NYAP1: variants seen among roughly 807,000 people sequenced by gnomAD.
NYAP1 encodes neuronal tyrosine phosphorylated phosphoinositide-3-kinase adaptor 1.
In NYAP1, 20 loss-of-function variants were observed where a neutral mutation model predicts 58.6. The observed-to-expected ratio is 0.34, with a 90% CI of 0.24 to 0.50. The LOEUF (loss-of-function observed/expected upper bound fraction) is 0.50, where lower values mean the gene tolerates loss of function less well. NYAP1 is among the 20% of genes least tolerant of loss of function. The pLI, the probability that NYAP1 is intolerant of heterozygous loss-of-function variation, is 0.98. For missense variants in NYAP1, 1,150 were observed against 1,194.5 expected (o/e 0.96, Z 0.55); for synonymous variants, 572 against 523.1 (o/e 1.09, Z -1.27).
intron 6 of NYAP1, among the ~76,000 whole-genome samples, chr7:100,491,404 C>T (rs1799794210): frequency 6.6e-6 from 1 of 152,122 alleles, no homozygotes; most frequent in Non-Finnish European, 1.5e-5. Context: ...CGAGACCAGC[C>T]TGGACCACAT....
Position 100,488,763 on chromosome 7 carries a change from C to G in NYAP1, c.1042C>G (p.Arg348Gly), listed in dbSNP as rs767610039. The part of the protein sequence containing the change: ...LAFPQAKSAS[R>G]TPGDGVSRLP... ...CTTCCCCCAAGCCAAGTCTGCTTCCCGAACCCCTGGCGATGGGGTCTCAAG... is the reference window on the plus strand; with the variant it reads ...CTTCCCCCAAGCCAAGTCTGCTTCCGGAACCCCTGGCGATGGGGTCTCAAG... The change falls in exon 4 of 7, where the codon CGA (arginine) becomes GGA (glycine). Residue 348 changes from arginine to glycine, a missense_variant. By Grantham distance (125) the Arg-to-Gly change is moderately radical (BLOSUM62 -2). Coordinates refer to ENST00000300179, the MANE Select transcript of NYAP1 (RefSeq NM_173564.4). This position sits in a 1 kb window ranked among gnomAD's most constrained non-coding sequence, Gnocchi z 5.9. 1.9e-6 allele frequency: 3 copies of G among 1,598,706 alleles called. No individual in the cohort carries two copies. The South Asian group carries it at 3.4e-5, about 18-fold the overall frequency.
In NYAP1 at chr7:100,493,839, C is replaced by G; in HGVS notation, c.2462C>G (p.Pro821Arg). 6.4e-7 allele frequency: 1 copy of G among 1,566,086 alleles called. No homozygotes were observed. Among genetic ancestry groups the G allele is most frequent in the South Asian group, 1.2e-5 (1 of 86,476 alleles). Residue 821 changes from proline to arginine, a missense_variant, in exon 7 of 7, where the codon CCC becomes CGC. By Grantham distance (103) the Pro-to-Arg change is moderately radical. Coordinates refer to ENST00000300179, the MANE Select transcript of NYAP1 (RefSeq NM_173564.4). The part of the protein sequence containing the change: ...ILPSWRRGPE[P>R]RKSGTPPCRR... ...CCCAGCTGGCGGCGGGGACCCGAGC[C>G]CCGCAAGTCCGGCACCCCGCCCTGC...
At position 100,491,037 on chromosome 7, in the gene NYAP1, G is replaced by A. The variant is rs769791898; in HGVS notation, c.2210G>A (p.Arg737Gln). 25 of 1,559,540 alleles carry A rather than the reference G, an allele frequency of 1.6e-5. No homozygotes were observed. Among genetic ancestry groups the A allele is most frequent in the East Asian group, 4.8e-5 (2 of 41,594 alleles). Reference sequence around the variant, plus strand: ...CGCTCCGCCTCCACCTCCGGAGTCCGGCAGGTCGTGCTCCACACACCCCGG... The same window carrying A: ...CGCTCCGCCTCCACCTCCGGAGTCCAGCAGGTCGTGCTCCACACACCCCGG... ...LGRSASTSGV[R>Q]QVVLHTPRPC... The change falls in exon 6 of 7, where the codon CGG becomes CAG. Residue 737 changes from arginine (R) to glutamine (Q), a missense_variant. By Grantham distance (43) the Arg-to-Gln change is conservative. Coordinates refer to ENST00000300179, the MANE Select transcript of NYAP1 (RefSeq NM_173564.4).
rs769804984 is a variant in NYAP1, at chr7:100,488,286, G to A, written c.565G>A (p.Gly189Arg). 4 of 1,613,794 alleles carry A rather than the reference G, an allele frequency of 2.5e-6. No individual in the cohort carries two copies. The highest frequency in any genetic ancestry group is 2.2e-5 in the East Asian group (1 of 44,852). The change falls in exon 4 of 7, where the codon GGG (glycine) becomes AGG (arginine). Residue 189 changes from glycine (G) to arginine (R), a missense_variant. Gly to Arg is a moderately radical substitution (Grantham distance 125). Transcript: ENST00000300179. This position sits in a 1 kb window ranked among gnomAD's most constrained non-coding sequence, Gnocchi z 5.9. ...SCPPGPSPRGGNLPLQRLTRG... is the reference protein window; with the variant it reads ...SCPPGPSPRGRNLPLQRLTRG... ...CCCCCCAGGCCCCTCTCCTCGAGGG[G>A]GGAACCTGCCTCTTCAGCGCCTCAC...
rs2131071341 is a variant in NYAP1, at chr7:100,493,658, C to G, written c.2281C>G (p.Leu761Val). ...GCCCGCGGCACAGCCCCACCCCGCG[C>G]TGCCGCTGCCTCTGCCCCTGCCGCC... is the stretch of plus-strand genomic sequence containing the variant. Reference protein sequence around the residue: ...RDALSQPHPALPLPLPLPPQP... With the variant: ...RDALSQPHPAVPLPLPLPPQP... The change falls in exon 7 of 7, where the codon CTG (leucine) becomes GTG (valine). Residue 761 changes from leucine (L) to valine (V), a missense_variant. Coordinates refer to ENST00000300179, the MANE Select transcript of NYAP1 (RefSeq NM_173564.4). 1 of 1,581,168 alleles carries G rather than the reference C, an allele frequency of 6.3e-7. No homozygotes were observed. The highest frequency in any genetic ancestry group is 1.1e-5 in the South Asian group (1 of 88,362).
At position 100,488,336 on chromosome 7, in the gene NYAP1, C is replaced by T; in HGVS notation, c.615C>T (p.Asp205=). 6.2e-7 allele frequency: 1 copy of T among 1,607,686 alleles called. No homozygotes were observed. Among genetic ancestry groups the T allele is most frequent in the Admixed American group, 1.7e-5 (1 of 58,104 alleles). The change falls in exon 4 of 7, where the codon GAC becomes GAT. Residue 205 remains aspartate, a synonymous_variant. Coordinates refer to ENST00000300179, the MANE Select transcript of NYAP1 (RefSeq NM_173564.4). This position sits in a 1 kb window ranked among gnomAD's most constrained non-coding sequence, Gnocchi z 5.9. ...CTAGGGGGTCCCGAGTAGCTGGGGA[C>T]CCTGATGTGGGTGCCCAGGAAGAGC... ...RLTRGSRVAG[D]PDVGAQEEPV...
rs765389680 is a variant in NYAP1, at chr7:100,493,634, C to T, written c.2269-12C>T. 3.2e-6 allele frequency: 5 copies of T among 1,561,220 alleles called. No individual in the cohort carries two copies. Among genetic ancestry groups the T allele is most frequent in the Non-Finnish European group, 4.3e-6 (5 of 1,161,852 alleles). ...TACCCGCGTTTTCCTTTCTCCCCCG[C>T]CCGCGGCACAGCCCCACCCCGCGCT... On this transcript the variant is annotated splice_polypyrimidine_tract_variant and intron_variant, in intron 6 of 6. Coordinates refer to ENST00000300179, the MANE Select transcript of NYAP1 (RefSeq NM_173564.4).
chr7:100,489,557 A>G lies in NYAP1; in HGVS notation c.1836A>G (p.Ala612=), dbSNP rs377347510. Reference sequence around the variant, plus strand: ...CCTGTGCCCACGTCATCGCCAGCGCAGGGACACCAGAGGAGGAAGAAGAGG... The same window carrying G: ...CCTGTGCCCACGTCATCGCCAGCGCGGGGACACCAGAGGAGGAAGAAGAGG... ...SISCAHVIAS[A]GTPEEEEEEV... Residue 612 remains alanine, a synonymous_variant, in exon 4 of 7, where the codon GCA becomes GCG. Coordinates refer to ENST00000300179, the MANE Select transcript of NYAP1 (RefSeq NM_173564.4). 2 of 1,613,362 alleles carry G rather than the reference A, an allele frequency of 1.2e-6. No individual in the cohort carries two copies. The highest frequency in any genetic ancestry group is 1.7e-6 in the Non-Finnish European group (2 of 1,179,970).
Position 100,486,752 on chromosome 7 carries a change from T to G in NYAP1, c.69-69T>G. ...AAGCCACAGGGTTGCTGACACCTCT[T>G]GGGGTGGAGAAGGGGGATGCCCAGG... On this transcript the variant is annotated intron_variant, in intron 2 of 6. Coordinates refer to ENST00000300179, the MANE Select transcript of NYAP1 (RefSeq NM_173564.4). This position sits in a 1 kb window ranked among gnomAD's most constrained non-coding sequence, Gnocchi z 6.2. 5.0e-6 allele frequency: 7 copies of G among 1,405,760 alleles called. No individual in the cohort carries two copies. The highest frequency in any genetic ancestry group is 6.5e-6 in the Non-Finnish European group (7 of 1,084,670). The allele number at this position is 1,405,760 out of a possible 1,614,324, so 87.1% of individuals were successfully genotyped here.
chr7:100,485,489 G>C lies in NYAP1; in HGVS notation c.68+110G>C. 1 of 791,358 alleles carries C rather than the reference G, an allele frequency of 1.3e-6. No individual in the cohort carries two copies. The highest frequency in any genetic ancestry group is 2.1e-6 in the Non-Finnish European group (1 of 474,564). 49.0% of individuals were successfully genotyped at this position (791,358 alleles called of 1,614,324 possible). A position where few individuals can be genotyped will look rare whatever the true frequency, so the allele number is the denominator to read the frequency against. On this transcript the variant is annotated intron_variant, in intron 2 of 6. Transcript: ENST00000300179. This position sits in a 1 kb window ranked among gnomAD's most constrained non-coding sequence, Gnocchi z 5.7. ...CAGCCTTGTCATGAGTGAGCTCTCTGATCTCAGAGTCAGTACGGAATGGCC... is the reference window on the plus strand; with the variant it reads ...CAGCCTTGTCATGAGTGAGCTCTCTCATCTCAGAGTCAGTACGGAATGGCC...
Position 100,488,380 on chromosome 7 carries a change from T to G in NYAP1, c.659T>G (p.Val220Gly). ...AQEEPVYIEMVGDVFRGGGRS... is the reference protein window; with the variant it reads ...AQEEPVYIEMGGDVFRGGGRS... ...GAAGAGCCTGTGTACATTGAGATGG[T>G]GGGGGACGTCTTTAGGGGAGGAGGA... The change falls in exon 4 of 7, where the codon GTG (valine) becomes GGG (glycine). Residue 220 changes from valine to glycine, a missense_variant. Val to Gly is a moderately radical substitution (Grantham distance 109). Transcript: ENST00000300179. The surrounding 1 kb of genome is among the most constrained non-coding windows in gnomAD (Gnocchi z 5.9). The G allele has an allele frequency of 6.3e-7, 1 of 1,597,228 alleles. No individual in the cohort carries two copies. Among genetic ancestry groups the G allele is most frequent in the South Asian group, 1.1e-5 (1 of 89,346 alleles).
Position 100,489,141 on chromosome 7 carries a change from G to C in NYAP1, c.1420G>C (p.Val474Leu), listed in dbSNP as rs1799751991. Residue 474 changes from valine to leucine, a missense_variant, in exon 4 of 7, where the codon GTC becomes CTC. Coordinates refer to ENST00000300179, the MANE Select transcript of NYAP1 (RefSeq NM_173564.4). ...GGCGGTCAAGGTGACCACGCACTCT[G>C]TCCTGCCAGCTGGTCCACCCCTGGG... ...YSAVKVTTHS[V>L]LPAGPPLGAG... is the part of the protein sequence containing the mutation. 5 of 1,607,502 alleles carry C rather than the reference G, an allele frequency of 3.1e-6. No homozygotes were observed. The highest frequency in any genetic ancestry group is 2.7e-5 in the African/African-American group (2 of 74,844).
chr7:100,487,082 C>T lies in NYAP1; in HGVS notation c.330C>T (p.Ser110=), dbSNP rs1477746728. The T allele has an allele frequency of 4.4e-6, 7 of 1,595,070 alleles. No individual in the cohort carries two copies. Among genetic ancestry groups the T allele is most frequent in the African/African-American group, 1.4e-5 (1 of 73,798 alleles). The change falls in exon 3 of 7, where the codon AGC becomes AGT. Residue 110 remains serine (S), a synonymous_variant. Coordinates refer to ENST00000300179, the MANE Select transcript of NYAP1 (RefSeq NM_173564.4). The surrounding 1 kb of genome is among the most constrained non-coding windows in gnomAD (Gnocchi z 4.1). ...GASGGLTEDS[S]TRRPPAKPRR... ...GTGGGGGCCTCACAGAGGACAGCAG[C>T]ACCCGAAGACCCCCTGCCAAGCCCC...
chr7:100,487,026 G>T lies in NYAP1; in HGVS notation c.274G>T (p.Asp92Tyr), dbSNP rs749686253. The T allele has an allele frequency of 6.2e-7, 1 of 1,608,560 alleles. No homozygotes were observed. Among genetic ancestry groups the T allele is most frequent in the Non-Finnish European group, 8.5e-7 (1 of 1,177,446 alleles). ...SLSCHSVGSM[D>Y]SVGGGPGGAS... ...CTCCTGCCACTCGGTGGGCAGCATG[G>T]ACAGTGTCGGGGGTGGCCCTGGCGG... The change falls in exon 3 of 7, where the codon GAC becomes TAC. Residue 92 changes from aspartate (D) to tyrosine (Y), a missense_variant. By Grantham distance (160) the Asp-to-Tyr change is radical. Transcript: ENST00000300179. This position sits in a 1 kb window ranked among gnomAD's most constrained non-coding sequence, Gnocchi z 4.1.
In NYAP1 at chr7:100,489,158, A is replaced by C. The variant is rs556395532; in HGVS notation, c.1437A>C (p.Pro479=). The change falls in exon 4 of 7, where the codon CCA becomes CCC. Residue 479 remains proline, a synonymous_variant. Transcript: ENST00000300179. ...VTTHSVLPAG[P]PLGAGEPKTE... ...CGCACTCTGTCCTGCCAGCTGGTCC[A>C]CCCCTGGGTGCTGGGGAGCCAAAGA... is the stretch of plus-strand genomic sequence containing the variant. 10 of 1,609,832 alleles carry C rather than the reference A, an allele frequency of 6.2e-6. No homozygotes were observed. Among genetic ancestry groups the C allele is most frequent in the Non-Finnish European group, 7.6e-6 (9 of 1,178,728 alleles).
intron 6 of NYAP1, 123 bp from the exon 7 acceptor site, chr7:100,493,523 T>G (rs998752634): frequency 1.1e-6 from 1 of 905,940 alleles, no homozygotes. Flanking sequence ...CAGAGGCCGT[T>G]GGGGGGCAAG....
rs1322925862 is a variant in NYAP1, at chr7:100,488,913, G to A, written c.1192G>A (p.Gly398Arg). The change falls in exon 4 of 7, where the codon GGA (glycine) becomes AGA (arginine). Residue 398 changes from glycine to arginine, a missense_variant. Gly to Arg is a moderately radical substitution (Grantham distance 125). Coordinates refer to ENST00000300179, the MANE Select transcript of NYAP1 (RefSeq NM_173564.4). This position sits in a 1 kb window ranked among gnomAD's most constrained non-coding sequence, Gnocchi z 5.9. ...PPPAANLLLL[G>R]PSGRARSHST... ...TCCTGCTGCCAACCTGCTGCTGCTG[G>A]GACCATCGGGCCGGGCCCGGAGCCA... 6.3e-7 allele frequency: 1 copy of A among 1,590,388 alleles called. No individual in the cohort carries two copies.
In NYAP1 at chr7:100,489,506, C is replaced by T. The variant is rs760408434; in HGVS notation, c.1785C>T (p.Thr595=). ...AGATCCAGCTGCAGGAGCAAGGGAC[C>T]GATGGGGGTGCTTTTGCCAGCATCT... The part of the protein sequence containing the change: ...MVKIQLQEQG[T]DGGAFASISC... The change falls in exon 4 of 7, where the codon ACC becomes ACT. Residue 595 remains threonine (T), a synonymous_variant. Coordinates refer to ENST00000300179, the MANE Select transcript of NYAP1 (RefSeq NM_173564.4). 5.6e-6 allele frequency: 9 copies of T among 1,613,254 alleles called. No individual in the cohort carries two copies. The highest frequency in any genetic ancestry group is 3.3e-5 in the South Asian group (3 of 91,084).
Position 100,486,747 on chromosome 7 carries a change from C to A in NYAP1, c.69-74C>A, listed in dbSNP as rs1799708331. The A allele has an allele frequency of 7.1e-7, 1 of 1,400,460 alleles. No individual in the cohort carries two copies. The highest frequency in any genetic ancestry group is 9.2e-7 in the Non-Finnish European group (1 of 1,081,400). The allele number at this position is 1,400,460 out of a possible 1,614,324, so 86.8% of individuals were successfully genotyped here. ...CTGGGAAGCCACAGGGTTGCTGACA[C>A]CTCTTGGGGTGGAGAAGGGGGATGC... On this transcript the variant is annotated intron_variant, in intron 2 of 6. Transcript: ENST00000300179. The surrounding 1 kb of genome is among the most constrained non-coding windows in gnomAD (Gnocchi z 6.2).
Sources: gnomAD v4.1 joint callset for allele counts (sites outside exome capture counted in the v4.1 genomes callset) on GRCh38, gnomAD v4.1.1 for gene constraint, Gnocchi (gnomAD v3.1) non-coding constraint, MANE v1.5 for transcripts, NCBI Gene and HGNC (gene_info 2026-07-23, HGNC 2026-07-21) for gene names.